The following PCSK5 variants were observed in gnomAD, a reference collection of about 807,000 sequenced individuals.
The protein encoded by PCSK5 is prohormone convertase 5.
A neutral mutation model predicts 233.2 loss-of-function variants in PCSK5; 129 were observed. That is an observed-to-expected ratio of 0.55 (90% CI 0.48 to 0.64). PCSK5 has a LOEUF of 0.64. PCSK5 is among the 30% of genes least tolerant of loss of function. The probability of loss-of-function intolerance (pLI) is 0.00; values close to 1 mark genes in which losing one functional copy is unlikely to be tolerated. For missense variants in PCSK5, 2,076 were observed against 2,430.1 expected, an observed-to-expected ratio of 0.85 and a Z score of 3.06; for synonymous variants, 825 against 879.2, an observed-to-expected ratio of 0.94 and a Z score of 1.09.
chr9:75,908,939 CTGTCTATCTA>C lies in PCSK5; in HGVS notation c.192+17568_192+17577del, dbSNP rs1822571888. 3.5e-5 allele frequency among the ~76,000 whole-genome samples: 4 copies of C among 115,922 alleles called. No homozygotes were observed. In the South Asian group the frequency reaches 8.3e-4, roughly 24 times the overall value. The allele number at this position is 115,922 out of a possible 152,430, so 76.0% of individuals were successfully genotyped here. ...TCTATCTATCTCTCTATCTCTCTCT[CTGTCTATCTA>C]TCTATCTATCTATCTATCTATCTAT... is the stretch of plus-strand genomic sequence containing the variant. On this transcript the variant is annotated intron_variant, in intron 1 of 37. Transcript: ENST00000674117.
chr9:76,205,272 C>T, intron 20 of PCSK5: 1 of 518,470 alleles, frequency 1.9e-6, no homozygotes, highest in South Asian at 1.4e-5. Context: ...ACACGATGAT[C>T]CAGAGCTGGA....
At chr9:76,065,538 T>C (rs145270960) in intron 5 of PCSK5, among the ~76,000 whole-genome samples, 40 of 151,758 alleles carry the variant, frequency 2.6e-4, no homozygotes, top group African/African-American at 8.8e-4. Context: ...GAGTTACTTA[T>C]ACATTCAGTT....
chr9:75,922,144 A>G (rs1330863120), intron 1 of PCSK5, among the ~76,000 whole-genome samples: 1 of 152,210 alleles, frequency 6.6e-6, no homozygotes, highest in African/African-American at 2.4e-5. Context: ...TAGTCTGTAA[A>G]AGCATTAGTA....
intron 6 of PCSK5, among the ~76,000 whole-genome samples, chr9:76,069,100 TTATGAG>T (rs1394439197): frequency 1.3e-5 from 2 of 152,184 alleles, no homozygotes; most frequent in Admixed American, 6.5e-5. Flanking sequence ...CCCTGAATTC[TTATGAG>T]TATGATAGTT....
At chr9:76,216,072 G>T (rs1825517550) in intron 20 of PCSK5, among the ~76,000 whole-genome samples, 1 of 152,180 alleles carries the variant, frequency 6.6e-6, no homozygotes. Context: ...ACTTTCTAGA[G>T]CTACAATGTT....
intron 12 of PCSK5, among the ~76,000 whole-genome samples, chr9:76,165,834 T>C (rs1251868982): frequency 6.6e-6 from 1 of 152,254 alleles, no homozygotes; most frequent in Non-Finnish European, 1.5e-5. Flanking sequence ...ACAGCGTGGA[T>C]GTTCACGCTG....
intron 2 of PCSK5, among the ~76,000 whole-genome samples, chr9:75,967,462 G>A (rs961234532): frequency 3.3e-5 from 5 of 152,178 alleles, no homozygotes; most frequent in African/African-American, 7.2e-5. Context: ...ATTCCATGGC[G>A]TGTATGTGGA....
At position 76,179,143 on chromosome 9, in the gene PCSK5, T is replaced by C. The variant is rs150264995; in HGVS notation, c.1901-453T>C. Among the ~76,000 whole-genome samples, 873 of 152,314 alleles carry C rather than the reference T, an allele frequency of 5.7e-3. 6 individuals are homozygous for C. The highest frequency in any genetic ancestry group is 0.02 in the African/African-American group (839 of 41,568). On this transcript the variant is annotated intron_variant, in intron 14 of 37. Transcript: ENST00000674117. Reference sequence around the variant, plus strand: ...TCCTGGCCACAGTATTTCAGAGGTATTCAGTAGCTTTAATGAGACAGGTCA... The same window carrying C: ...TCCTGGCCACAGTATTTCAGAGGTACTCAGTAGCTTTAATGAGACAGGTCA...
chr9:75,920,187 A>G (rs76916366), intron 1 of PCSK5, among the ~76,000 whole-genome samples: 16,620 of 152,056 alleles, frequency 0.11, 1,398 homozygotes, highest in African/African-American at 0.23. Flanking sequence ...GAACTGAACA[A>G]CCATTAGCAA....
chr9:75,931,918 A>G (rs902938202), intron 1 of PCSK5, among the ~76,000 whole-genome samples: 7 of 152,262 alleles, frequency 4.6e-5, no homozygotes, highest in African/African-American at 1.2e-4. Context: ...TGAATGATCA[A>G]TTGCTTAAGA....
intron 10 of PCSK5, among the ~76,000 whole-genome samples, chr9:76,155,115 G>A (rs1338861120): frequency 6.6e-6 from 1 of 152,022 alleles, no homozygotes; most frequent in Non-Finnish European, 1.5e-5. Flanking sequence ...ACATTTATCC[G>A]TGCCATAGCA....
chr9:75,984,726 A>G (rs1009759103), intron 2 of PCSK5, among the ~76,000 whole-genome samples: 3 of 152,154 alleles, frequency 2.0e-5, no homozygotes, highest in African/African-American at 7.2e-5. Flanking sequence ...ACCAATTCTT[A>G]CTCATCTTTG....
chr9:76,097,438 T>A (rs1008319980), intron 8 of PCSK5, among the ~76,000 whole-genome samples: 1 of 145,528 alleles, frequency 6.9e-6, no homozygotes, highest in Admixed American at 6.7e-5. Flanking sequence ...TTTTTTTGTA[T>A]TTTTAGTAGA....
chr9:76,112,842 G>T (rs1021591626), intron 9 of PCSK5, among the ~76,000 whole-genome samples: 18 of 151,860 alleles, frequency 1.2e-4, no homozygotes, highest in African/African-American at 4.4e-4. Flanking sequence ...AGGGTTGTAG[G>T]GGGTGCAGGA....
chr9:76,199,273 A>G (rs1255915070), intron 20 of PCSK5, among the ~76,000 whole-genome samples: 3 of 152,228 alleles, frequency 2.0e-5, no homozygotes, highest in Non-Finnish European at 2.9e-5. Flanking sequence ...TACCGTACTG[A>G]ATACTGCATG....
At chr9:76,006,844 TA>T (rs1827499032) in intron 3 of PCSK5, among the ~76,000 whole-genome samples, 1 of 152,236 alleles carries the variant, frequency 6.6e-6, no homozygotes, top group South Asian at 2.1e-4. Flanking sequence ...GCTTCACTGA[TA>T]GTTTTTTCCC....
intron 1 of PCSK5, among the ~76,000 whole-genome samples, chr9:75,893,356 C>G (rs1431530575): frequency 6.6e-6 from 1 of 152,098 alleles, no homozygotes; most frequent in African/African-American, 2.4e-5. Context: ...CCCCATGGAT[C>G]CTGCCTTTTA....
Position 76,361,267 on chromosome 9 carries a change from C to G in PCSK5, c.*2345C>G, listed in dbSNP as rs1830426457. 6.6e-6 allele frequency: 1 copy of G among 152,216 alleles called. No homozygotes were observed. The highest frequency in any genetic ancestry group is 1.5e-5 in the Non-Finnish European group (1 of 68,074). The allele number at this position is 152,216 out of a possible 1,614,324, so 9.4% of individuals were successfully genotyped here. ...GGCTGAGGCAGGCAAATCACTTGAG[C>G]CCGGGAGGCAGAGGTTGCAGTGAGC... On this transcript the variant is annotated 3_prime_UTR_variant, in exon 38 of 38. Transcript: ENST00000674117.
chr9:75,924,180 G>T, intron 1 of PCSK5, among the ~76,000 whole-genome samples: 1 of 152,054 alleles, frequency 6.6e-6, no homozygotes, highest in East Asian at 1.9e-4. Flanking sequence ...TGAAATCATA[G>T]AGATTATACA....
Sources: gnomAD v4.1 joint callset for allele counts (sites outside exome capture counted in the v4.1 genomes callset) on GRCh38, gnomAD v4.1.1 for gene constraint, MANE v1.5 for transcripts, NCBI Gene and HGNC (gene_info 2026-07-23, HGNC 2026-07-21) for gene names.